Variants in RABL3 observed in about 807,000 individuals in gnomAD.
RABL3 encodes the protein RAB, member of RAS oncogene family like 3.
In RABL3, 31 loss-of-function variants were observed where a neutral mutation model predicts 31.8. The observed-to-expected ratio is 0.97, with a 90% confidence interval of 0.73 to 1.31. RABL3 has a LOEUF of 1.31. RABL3 is among the 40% of genes most tolerant of loss of function. The pLI is 0.00. For missense variants in RABL3, 263 were observed against 279.6 expected (o/e 0.94, Z 0.42); for synonymous variants, 97 against 99.9 (o/e 0.97, Z 0.18).
chr3:120,713,925 C>T (rs996556585), intron 2 of RABL3, among the ~76,000 whole-genome samples: 14 of 151,750 alleles, frequency 9.2e-5, no homozygotes, highest in Non-Finnish European at 2.1e-4. Flanking sequence ...ATTCTCCTGC[C>T]TCAGCCTCCC....
chr3:120,694,255 A>T (rs767351808), intron 5 of RABL3, 31 bp from the exon 6 acceptor site: 3 of 1,505,354 alleles, frequency 2.0e-6, no homozygotes, highest in Non-Finnish European at 2.8e-6. Context: ...TCCACAATTG[A>T]AAGTTAGGAA....
At chr3:120,742,663 G>A (rs1166793728), upstream of RABL3, 11 of 722,250 alleles carry the variant, frequency 1.5e-5, no homozygotes, top group South Asian at 1.5e-4. Context: ...CTGGTAAAAG[G>A]TAGCGGGGTG....
Position 120,691,729 on chromosome 3 carries a change from C to T in RABL3, c.607-1242G>A, listed in dbSNP as rs368117307. 9.9e-5 allele frequency among the ~76,000 whole-genome samples: 15 copies of T among 152,262 alleles called. No individual in the cohort carries two copies. In the South Asian group the frequency reaches 1.5e-3, roughly 15 times the overall value. On this transcript the variant is annotated intron_variant, in intron 6 of 7. Transcript: ENST00000273375. ...ACCTGCTGTGATAAGAAAAGTTAAT[C>T]GGATAATAATACAGATCAGCTGGAG...
chr3:120,700,242 A>T (rs531138039), intron 4 of RABL3, among the ~76,000 whole-genome samples: 1 of 152,280 alleles, frequency 6.6e-6, no homozygotes, highest in Admixed American at 6.5e-5. Context: ...ACACACAGCC[A>T]GGTATCATAT....
At chr3:120,702,733 A>G (rs1267967536) in intron 4 of RABL3, among the ~76,000 whole-genome samples, 2 of 151,682 alleles carry the variant, frequency 1.3e-5, no homozygotes, top group Non-Finnish European at 2.9e-5. Context: ...AATCTTTTGT[A>G]TTTTTAGTAG....
At chr3:120,741,404 A>G (rs908999571) in intron 1 of RABL3, among the ~76,000 whole-genome samples, 4 of 152,186 alleles carry the variant, frequency 2.6e-5, no homozygotes, top group Non-Finnish European at 5.9e-5. Context: ...GCTGCCCACA[A>G]TTTTATTTAG....
chr3:120,728,175 G>A (rs772311369), intron 2 of RABL3, among the ~76,000 whole-genome samples: 2 of 152,090 alleles, frequency 1.3e-5, no homozygotes, highest in African/African-American at 2.4e-5. Flanking sequence ...TAGGGCAGGA[G>A]GAAGGGAAGG....
chr3:120,731,384 A>G (rs1000058954), intron 1 of RABL3, among the ~76,000 whole-genome samples: 10 of 152,300 alleles, frequency 6.6e-5, no homozygotes, highest in Admixed American at 6.5e-4. Flanking sequence ...ATTTAAAAAA[A>G]GCAGCCAACC....
At chr3:120,729,838 C>T (rs1487888065) in intron 2 of RABL3, among the ~76,000 whole-genome samples, 3 of 151,532 alleles carry the variant, frequency 2.0e-5, no homozygotes, top group African/African-American at 7.3e-5. Context: ...AGAAATGAGG[C>T]AAGACAGATA....
intron 1 of RABL3, among the ~76,000 whole-genome samples, chr3:120,738,171 GC>G (rs1456747409): frequency 6.6e-6 from 1 of 152,216 alleles, no homozygotes; most frequent in Admixed American, 6.5e-5. Context: ...GAGCTTCCTG[GC>G]CTCTTTGTTT....
In RABL3 at chr3:120,688,115, G is replaced by C. The variant is rs1273727082; in HGVS notation, c.*1708C>G. ...CTATTTTTATTTTTTAAATAAGATA[G>C]AAAATAAAAAAATCAGGATGAATTT... On this transcript the variant is annotated 3_prime_UTR_variant, in exon 8 of 8. Transcript: ENST00000273375. The C allele has an allele frequency of 6.6e-6, 1 of 151,944 alleles. No individual in the cohort carries two copies. Among genetic ancestry groups the C allele is most frequent in the Non-Finnish European group, 1.5e-5 (1 of 67,966 alleles). The allele number at this position is 151,944 out of a possible 1,614,324, so 9.4% of individuals were successfully genotyped here.
chr3:120,727,620 G>A (rs1490477607), intron 2 of RABL3, among the ~76,000 whole-genome samples: 1 of 151,992 alleles, frequency 6.6e-6, no homozygotes, highest in Non-Finnish European at 1.5e-5. Flanking sequence ...AAGCCTGATA[G>A]AAAACCCACA....
At chr3:120,704,172 A>G (rs986363314) in intron 4 of RABL3, among the ~76,000 whole-genome samples, 8 of 152,234 alleles carry the variant, frequency 5.3e-5, no homozygotes, top group Non-Finnish European at 8.8e-5. Flanking sequence ...TTAGCAAATC[A>G]AATCCAGCAA....
chr3:120,695,544 C>CT (rs1485101051), intron 5 of RABL3, among the ~76,000 whole-genome samples: 1 of 152,122 alleles, frequency 6.6e-6, no homozygotes, highest in African/African-American at 2.4e-5. Flanking sequence ...ATTAGTCCTC[C>CT]TCTCTTCAAT....
intron 1 of RABL3, among the ~76,000 whole-genome samples, chr3:120,733,323 G>A (rs779866583): frequency 2.0e-5 from 3 of 152,148 alleles, no homozygotes; most frequent in South Asian, 2.1e-4. Flanking sequence ...GTGATGATGA[G>A]CATTTTTTCA....
intron 4 of RABL3, 142 bp downstream of exon 4, chr3:120,705,858 G>A: frequency 1.5e-6 from 1 of 650,208 alleles, no homozygotes; most frequent in South Asian, 1.7e-5. Context: ...ATTGCTTTGT[G>A]AAAGATACTG....
chr3:120,722,127 A>C (rs985754795), intron 2 of RABL3: 6 of 152,140 alleles, frequency 3.9e-5, no homozygotes. Context: ...ACCACGTGAA[A>C]TATTTTATCA....
At chr3:120,696,321 G>A (rs954090868) in intron 5 of RABL3, among the ~76,000 whole-genome samples, 1 of 151,952 alleles carries the variant, frequency 6.6e-6, no homozygotes, top group Admixed American at 6.6e-5. Flanking sequence ...TTTATTTGAG[G>A]CTTTATATTT....
intron 1 of RABL3, among the ~76,000 whole-genome samples, 184 bp downstream of exon 1, chr3:120,742,278 A>ACGACGC (rs1205861972): frequency 6.6e-6 from 1 of 151,704 alleles, no homozygotes; most frequent in African/African-American, 2.4e-5. Flanking sequence ...CACCCGCGCG[A>ACGACGC]CGACGCCGCC....
Sources: allele counts gnomAD v4.1 joint callset (sites outside exome capture counted in the v4.1 genomes callset), GRCh38; gene constraint gnomAD v4.1.1; transcripts MANE v1.5; gene names NCBI Gene and HGNC (gene_info 2026-07-23, HGNC 2026-07-21).